ARHGEF18: variants seen among roughly 807,000 people sequenced by gnomAD.
The protein encoded by ARHGEF18 is Rho/Rac guanine nucleotide exchange factor 18, also known as rho guanine nucleotide exchange factor 18.
Under a neutral mutation model 155.7 loss-of-function variants are expected in ARHGEF18, and 93 were observed. The ratio of observed to expected loss-of-function variants is 0.60; its 90% confidence interval spans 0.50 to 0.71. The LOEUF (loss-of-function observed/expected upper bound fraction) is 0.71, where lower values mean the gene tolerates loss of function less well. Ranked by LOEUF, ARHGEF18 falls within the 30% of genes least tolerant of loss-of-function variation. The pLI is 0.00. For missense variants in ARHGEF18, 1,593 were observed against 1,816.1 expected (o/e 0.88, Z 2.23); for synonymous variants, 742 against 753.1 (o/e 0.99, Z 0.24).
chr19:7,355,759 C>G, intron 1 of ARHGEF18: 1 of 970,504 alleles, frequency 1.0e-6, no homozygotes, highest in South Asian at 4.8e-5. Context: ...GATCCCAGGA[C>G]AGCCTGCCCG....
chr19:7,385,907 CCTCTCTCCCT>C lies in ARHGEF18; in HGVS notation c.967+2712_967+2721del, dbSNP rs1446439029. On this transcript the variant is annotated intron_variant, in intron 10 of 28. Coordinates refer to ENST00000668164, the MANE Select transcript of ARHGEF18 (RefSeq NM_001367823.1). ...CTCTCCCTCCCTCCCTCTCTCTCTC[CCTCTCTCCCT>C]CTCTCTCTCTCTCTCTCTCCCCCTC... 7.9e-3 allele frequency among the ~76,000 whole-genome samples: 266 copies of C among 33,670 alleles called. 20 individuals are homozygous for C. Among genetic ancestry groups the C allele is most frequent in the African/African-American group, 0.048 (220 of 4,544 alleles). 22.1% of individuals were successfully genotyped at this position (33,670 alleles called of 152,430 possible). A position where few individuals can be genotyped will look rare whatever the true frequency, so the allele number is the denominator to read the frequency against.
chr19:7,452,203 A>G (rs931004714), intron 16 of ARHGEF18, among the ~76,000 whole-genome samples: 1 of 152,188 alleles, frequency 6.6e-6, no homozygotes, highest in Non-Finnish European at 1.5e-5. Flanking sequence ...TGGTGGTTCA[A>G]ACAGACCCAG....
At chr19:7,477,738 A>C in the ARHGEF18 span, among the ~76,000 whole-genome samples, 2 of 152,234 alleles carry the variant, frequency 1.3e-5, no homozygotes, top group African/African-American at 4.8e-5. Flanking sequence ...GCACTTTGGG[A>C]GGTGTGGAGG....
chr19:7,440,609 G>C lies in ARHGEF18; in HGVS notation c.1106+127G>C. 8.0e-7 allele frequency: 1 copy of C among 1,253,444 alleles called. No individual in the cohort carries two copies. The highest frequency in any genetic ancestry group is 1.1e-6 in the Non-Finnish European group (1 of 931,624). The allele number at this position is 1,253,444 out of a possible 1,614,324, so 77.6% of individuals were successfully genotyped here. A position where few individuals can be genotyped will look rare whatever the true frequency, so the allele number is the denominator to read the frequency against. Reference sequence around the variant, plus strand: ...ATCCACACGGCAGCCCCCGTGCTAAGCAGAGAAATTCCCATTAACGCTTGC... The same window carrying C: ...ATCCACACGGCAGCCCCCGTGCTAACCAGAGAAATTCCCATTAACGCTTGC... On this transcript the variant is annotated intron_variant, in intron 11 of 28. Coordinates refer to ENST00000668164, the MANE Select transcript of ARHGEF18 (RefSeq NM_001367823.1). This position sits in a 1 kb window ranked among gnomAD's most constrained non-coding sequence, Gnocchi z 5.4.
chr19:7,439,081 G>A (rs1974458275), intron 10 of ARHGEF18, among the ~76,000 whole-genome samples: 1 of 151,426 alleles, frequency 6.6e-6, no homozygotes, highest in Non-Finnish European at 1.5e-5. Context: ...GTAGAGACGG[G>A]GGTTTCCTGG....
intron 10 of ARHGEF18, among the ~76,000 whole-genome samples, chr19:7,430,156 A>G (rs547687809): frequency 6.6e-6 from 1 of 152,128 alleles, no homozygotes; most frequent in East Asian, 1.9e-4. Flanking sequence ...TCAGGCTCCC[A>G]CATTGCACTT....
chr19:7,375,372 A>C (rs1970405568), intron 3 of ARHGEF18, among the ~76,000 whole-genome samples: 1 of 150,584 alleles, frequency 6.6e-6, no homozygotes, highest in Admixed American at 6.6e-5. Flanking sequence ...GAAGGAAGGA[A>C]GGAAGAAAGA....
At chr19:7,390,516 AAAAAAAAAGAAAAAAG>A (rs904917725) in intron 10 of ARHGEF18, 2 of 143,028 alleles carry the variant, frequency 1.4e-5, no homozygotes, top group Non-Finnish European at 3.1e-5. Flanking sequence ...ATCAAAAAAA[AAAAAAAAAGAAAAAAG>A]AAAAGAAAAG....
chr19:7,358,274 C>T (rs1969405077), intron 1 of ARHGEF18, among the ~76,000 whole-genome samples: 1 of 148,666 alleles, frequency 6.7e-6, no homozygotes, highest in African/African-American at 2.5e-5. Flanking sequence ...TCCATTCTTC[C>T]ATCCATCCAT....
At position 7,440,277 on chromosome 19, in the gene ARHGEF18, C is replaced by T. The variant is rs199567237; in HGVS notation, c.968-67C>T. The T allele has an allele frequency of 5.0e-3, 7,842 of 1,563,946 alleles. 30 individuals are homozygous for T. Among genetic ancestry groups the T allele is most frequent in the Non-Finnish European group, 5.9e-3 (6,822 of 1,154,506 alleles). Reference sequence around the variant, plus strand: ...GCGGCCGCAGTCGGAGCGGGGCTTCCGCGCCGGGGACCTCCGCTACCCGAC... The same window carrying T: ...GCGGCCGCAGTCGGAGCGGGGCTTCTGCGCCGGGGACCTCCGCTACCCGAC... On this transcript the variant is annotated intron_variant, in intron 10 of 28. Transcript: ENST00000668164. The surrounding 1 kb of genome is among the most constrained non-coding windows in gnomAD (Gnocchi z 5.4).
At position 7,470,442 on chromosome 19, in the gene ARHGEF18, A is replaced by G. The variant is rs991412329; in HGVS notation, c.*144A>G. The G allele has an allele frequency of 7.8e-6, 6 of 768,830 alleles. No homozygotes were observed. Among genetic ancestry groups the G allele is most frequent in the Non-Finnish European group, 1.1e-5 (6 of 561,804 alleles). The allele number at this position is 768,830 out of a possible 1,614,324, so 47.6% of individuals were successfully genotyped here. ...CACTGATGACCGCCTGGCAGGGGCC[A>G]GCCTGTCGGTGCTCTGGGCCTTGCA... On this transcript the variant is annotated 3_prime_UTR_variant, in exon 29 of 29. Coordinates refer to ENST00000668164, the MANE Select transcript of ARHGEF18 (RefSeq NM_001367823.1). The surrounding 1 kb of genome is among the most constrained non-coding windows in gnomAD (Gnocchi z 5.9).
At chr19:7,467,797 G>A in intron 26 of ARHGEF18, 113 bp downstream of exon 26, 1 of 1,083,138 alleles carries the variant, frequency 9.2e-7, no homozygotes, top group Non-Finnish European at 1.2e-6. Context: ...AGGAGTGTAA[G>A]AGCAAACGGC....
At chr19:7,403,157 G>A (rs1972106216) in intron 10 of ARHGEF18, among the ~76,000 whole-genome samples, 1 of 152,134 alleles carries the variant, frequency 6.6e-6, no homozygotes, top group African/African-American at 2.4e-5. Context: ...GGGGCTACAG[G>A]TGCAGGCCTC....
downstream of ARHGEF18, among the ~76,000 whole-genome samples, chr19:7,474,754 A>AGTGTGTGTGTGTGTGTGTGTGTGT (rs3219570): frequency 6.6e-3 from 939 of 141,978 alleles, 27 homozygotes; most frequent in African/African-American, 0.021. Flanking sequence ...TGGGCATTGG[A>AGTGTGTGTGTGTGTGTGTGTGTGT]GTGTGTGTGT....
At chr19:7,419,004 G>A (rs1218146103) in intron 10 of ARHGEF18, among the ~76,000 whole-genome samples, 1 of 151,708 alleles carries the variant, frequency 6.6e-6, no homozygotes, top group East Asian at 1.9e-4. Context: ...CACCCCAGGT[G>A]CACCCGCACT....
intron 2 of ARHGEF18, among the ~76,000 whole-genome samples, chr19:7,363,860 GA>G (rs1258026105): frequency 6.7e-6 from 1 of 148,792 alleles, no homozygotes; most frequent in African/African-American, 2.5e-5. Flanking sequence ...GAAAAGGAAG[GA>G]AAAAAGGAAG....
Position 7,440,105 on chromosome 19 carries a change from G to A in ARHGEF18, c.968-239G>A. The A allele has an allele frequency of 2.6e-6, 4 of 1,550,768 alleles. No individual in the cohort carries two copies. Among genetic ancestry groups the A allele is most frequent in the Non-Finnish European group, 3.5e-6 (4 of 1,146,662 alleles). On this transcript the variant is annotated intron_variant, in intron 10 of 28. Coordinates refer to ENST00000668164, the MANE Select transcript of ARHGEF18 (RefSeq NM_001367823.1). This position sits in a 1 kb window ranked among gnomAD's most constrained non-coding sequence, Gnocchi z 5.4. The stretch of plus-strand genomic sequence containing the variant: ...GTCCCGGAGCCCCGGGCGCGAACAT[G>A]GGGAATGCGCACTCCAAAAGCGGGG...
Position 7,444,467 on chromosome 19 carries a change from G to A in ARHGEF18, c.1611+13G>A, listed in dbSNP as rs201293919. Reference sequence around the variant, plus strand: ...CCTGGTTCAGCAGGTGGGTGCAGCCGTGTTCATCTCAACAGTCTTCAAAGC... The same window carrying A: ...CCTGGTTCAGCAGGTGGGTGCAGCCATGTTCATCTCAACAGTCTTCAAAGC... On this transcript the variant is annotated intron_variant, in intron 14 of 28. Coordinates refer to ENST00000668164, the MANE Select transcript of ARHGEF18 (RefSeq NM_001367823.1). The surrounding 1 kb of genome is among the most constrained non-coding windows in gnomAD (Gnocchi z 4.7). 1.5e-4 allele frequency: 243 copies of A among 1,611,558 alleles called. No individual in the cohort carries two copies. The highest frequency in any genetic ancestry group is 3.3e-4 in the Middle Eastern group (2 of 6,078).
rs1970436024 is a variant in ARHGEF18 at position 7,375,837 on chromosome 19, T to G, written c.393T>G (p.Ser131=). Residue 131 remains serine (S), a synonymous_variant, in exon 4 of 29, where the codon TCT becomes TCG. Coordinates refer to ENST00000668164, the MANE Select transcript of ARHGEF18 (RefSeq NM_001367823.1). The stretch of plus-strand genomic sequence containing the variant: ...AGACCTGGACTCAAGGGTGTCTCTC[T>G]GGGGGCGGGACCCCCGCAGAGAGCC... ...GLKTWTQGCL[S]GGGTPAESPG... 2.4e-6 allele frequency: 3 copies of G among 1,234,362 alleles called. No homozygotes were observed. In the South Asian group the frequency reaches 1.2e-4, roughly 51 times the overall value. The allele number at this position is 1,234,362 out of a possible 1,614,324, so 76.5% of individuals were successfully genotyped here.
Sources: gnomAD v4.1 joint callset for allele counts (sites outside exome capture counted in the v4.1 genomes callset) on GRCh38, gnomAD v4.1.1 for gene constraint, Gnocchi (gnomAD v3.1) non-coding constraint, MANE v1.5 for transcripts, NCBI Gene and HGNC (gene_info 2026-07-23, HGNC 2026-07-21) for gene names.